Variants in DOCK3 observed in about 807,000 individuals in gnomAD.
DOCK3 encodes the protein dedicator of cytokinesis protein 3.
In DOCK3, 60 loss-of-function variants were observed where a neutral mutation model predicts 265.6. The ratio of observed to expected loss-of-function variants is 0.23; its 90% CI spans 0.18 to 0.28. The LOEUF is 0.28. DOCK3 is among the 10% of genes least tolerant of loss of function. DOCK3 has a pLI of 1.00. For synonymous variants in DOCK3, 881 were observed against 938.0 expected, an observed-to-expected ratio of 0.94 and a Z score of 1.11; for missense variants, 1,981 against 2,594.3, an observed-to-expected ratio of 0.76 and a Z score of 5.14.
At chr3:51,242,385 G>C (rs994147596) in intron 21 of DOCK3, among the ~76,000 whole-genome samples, 3 of 152,164 alleles carry the variant, frequency 2.0e-5, no homozygotes, top group African/African-American at 7.2e-5. Context: ...GTGACAGCTG[G>C]ATCTATCCCT....
At chr3:51,235,644 A>C (rs888508974) in intron 19 of DOCK3, among the ~76,000 whole-genome samples, 13 of 152,194 alleles carry the variant, frequency 8.5e-5, no homozygotes, top group African/African-American at 2.9e-4. Flanking sequence ...AATGAATTGT[A>C]AACATTGTAT....
intron 5 of DOCK3, among the ~76,000 whole-genome samples, chr3:51,035,065 C>A (rs1050013510): frequency 6.6e-6 from 1 of 151,722 alleles, no homozygotes; most frequent in African/African-American, 2.4e-5. Context: ...AGTCTGTTTG[C>A]GATTCATTGA....
intron 4 of DOCK3, among the ~76,000 whole-genome samples, chr3:50,893,615 T>C (rs552639046): frequency 3.5e-4 from 53 of 151,904 alleles, no homozygotes; most frequent in Non-Finnish European, 6.9e-4. Context: ...AAGAAACTAA[T>C]GGGACACCAT....
chr3:50,808,765 G>A (rs537466516), intron 2 of DOCK3, among the ~76,000 whole-genome samples: 3 of 152,316 alleles, frequency 2.0e-5, no homozygotes, highest in Admixed American at 1.3e-4. Context: ...TGTCCACTCC[G>A]TGGAGATATA....
intron 32 of DOCK3, among the ~76,000 whole-genome samples, chr3:51,326,264 AT>A (rs35044295): frequency 0.87 from 119,867 of 137,084 alleles, 52,355 homozygotes; most frequent in African/African-American, 0.93. Context: ...ATTTTTTTTA[AT>A]TTTTTTTTTT....
chr3:51,110,972 T>C (rs1158735305), intron 9 of DOCK3, among the ~76,000 whole-genome samples: 2 of 152,160 alleles, frequency 1.3e-5, no homozygotes, highest in Non-Finnish European at 2.9e-5. Context: ...GATAAACAAC[T>C]TCAGCAAAGT....
intron 2 of DOCK3, among the ~76,000 whole-genome samples, chr3:50,800,935 AT>A (rs1246900947): frequency 1.2e-4 from 18 of 152,232 alleles, no homozygotes; most frequent in Non-Finnish European, 8.8e-5. Flanking sequence ...ATTCAGGAGC[AT>A]GTTGTTTAGT....
At chr3:51,323,171 A>G (rs964208414) in intron 32 of DOCK3, among the ~76,000 whole-genome samples, 1 of 152,170 alleles carries the variant, frequency 6.6e-6, no homozygotes, top group African/African-American at 2.4e-5. Flanking sequence ...CTAAATATAT[A>G]TGCACCCAAT....
At chr3:50,779,780 C>T (rs903076600) in intron 2 of DOCK3, among the ~76,000 whole-genome samples, 15 of 152,112 alleles carry the variant, frequency 9.9e-5, no homozygotes, top group African/African-American at 1.7e-4. Context: ...TGAGATGGAT[C>T]GTGTTCTTCA....
chr3:50,774,611 T>G (rs2041480500), intron 1 of DOCK3, among the ~76,000 whole-genome samples: 1 of 151,788 alleles, frequency 6.6e-6, no homozygotes, highest in African/African-American at 2.4e-5. Flanking sequence ...TCTTTTGGAT[T>G]TTTTTTACAT....
chr3:51,064,634 T>G (rs2081528865), intron 6 of DOCK3, 38 bp downstream of exon 6: 1 of 1,605,910 alleles, frequency 6.2e-7, no homozygotes, highest in African/African-American at 1.3e-5. Context: ...CTCAGTTTCA[T>G]TTATGATAAC....
At chr3:51,185,985 A>G (rs1160459887) in intron 12 of DOCK3, among the ~76,000 whole-genome samples, 1 of 152,152 alleles carries the variant, frequency 6.6e-6, no homozygotes, top group African/African-American at 2.4e-5. Flanking sequence ...AATACAATAA[A>G]TTGGTACCAG....
At chr3:50,961,424 A>G (rs1463924088) in intron 5 of DOCK3, among the ~76,000 whole-genome samples, 1 of 152,176 alleles carries the variant, frequency 6.6e-6, no homozygotes, top group Non-Finnish European at 1.5e-5. Flanking sequence ...CTAGTTTATA[A>G]ACAGAATGGT....
chr3:51,047,244 CAG>C (rs1491241617), intron 5 of DOCK3, among the ~76,000 whole-genome samples: 1 of 80,544 alleles, frequency 1.2e-5, no homozygotes, highest in Non-Finnish European at 2.2e-5. Flanking sequence ...GAACATCACA[CAG>C]GGGCCTGTCA....
chr3:51,260,313 T>C lies in DOCK3; in HGVS notation c.2342T>C (p.Leu781Pro). The C allele has an allele frequency of 6.2e-7, 1 of 1,613,730 alleles. No homozygotes were observed. The change falls in exon 23 of 53, where the codon CTC becomes CCC. Residue 781 changes from leucine (L) to proline (P), a missense_variant. By Grantham distance (98) the Leu-to-Pro change is moderately conservative (BLOSUM62 -3). This residue lies in a region of DOCK3 where 1,357 missense variants were observed against 1,866.8 expected (regional missense o/e 0.73). Coordinates refer to ENST00000266037, the MANE Select transcript of DOCK3 (RefSeq NM_004947.5). ...LSLDSRNSET[L>P]LFTQAALLNS... Reference sequence around the variant, plus strand: ...CTGGACAGCCGAAACTCAGAAACACTCCTTTTTACTCAGGTTCGCACACTG... The same window carrying C: ...CTGGACAGCCGAAACTCAGAAACACCCCTTTTTACTCAGGTTCGCACACTG...
intron 1 of DOCK3, among the ~76,000 whole-genome samples, chr3:50,706,373 G>T (rs1421153578): frequency 1.3e-5 from 2 of 152,118 alleles, no homozygotes; most frequent in Non-Finnish European, 2.9e-5. Context: ...ATATAGTATT[G>T]TTGCCTAGCA....
At chr3:50,906,088 C>T (rs541858356) in intron 4 of DOCK3, among the ~76,000 whole-genome samples, 82 of 152,122 alleles carry the variant, frequency 5.4e-4, no homozygotes, top group Middle Eastern at 3.4e-3. Context: ...TATGTTGAAC[C>T]AGCCTTGCAT....
At chr3:50,787,860 G>T in intron 2 of DOCK3, 1 of 1,091,034 alleles carries the variant, frequency 9.2e-7, no homozygotes. Context: ...TCTTTGGATT[G>T]AGAAGAGGTA....
At chr3:50,803,384 G>A (rs1376258004) in intron 2 of DOCK3, among the ~76,000 whole-genome samples, 1 of 152,164 alleles carries the variant, frequency 6.6e-6, no homozygotes. Context: ...AGAGCACGGG[G>A]TTGGGGGTAA....
Sources: allele counts gnomAD v4.1 joint callset (sites outside exome capture counted in the v4.1 genomes callset), GRCh38; gene constraint gnomAD v4.1.1; regional missense constraint gnomAD v4.1.1; transcripts MANE v1.5; gene names NCBI Gene and HGNC (gene_info 2026-07-23, HGNC 2026-07-21).